Variants in INPP4B observed in about 807,000 individuals in gnomAD.
INPP4B encodes inositol polyphosphate 4-phosphatase type II.
A neutral mutation model predicts 122.5 loss-of-function variants in INPP4B; 55 were observed. The observed-to-expected ratio is 0.45, with a 90% CI of 0.36 to 0.56. The LOEUF (loss-of-function observed/expected upper bound fraction) is 0.56, where lower values mean the gene tolerates loss of function less well. INPP4B is among the 20% of genes least tolerant of loss of function. The pLI, the probability that INPP4B is intolerant of heterozygous loss-of-function variation, is 0.00. For missense variants in INPP4B, 1,000 were observed against 1,097.7 expected (o/e 0.91, Z 1.26); for synonymous variants, 403 against 388.7 (o/e 1.04, Z -0.43).
intron 7 of INPP4B, among the ~76,000 whole-genome samples, chr4:142,394,701 A>G (rs917043763): frequency 1.3e-5 from 2 of 152,206 alleles, no homozygotes; most frequent in African/African-American, 2.4e-5. Context: ...AGTTACATAC[A>G]TATTTTGGAT....
intron 1 of INPP4B, among the ~76,000 whole-genome samples, chr4:142,808,077 G>A (rs1561093071): frequency 6.6e-6 from 1 of 151,028 alleles, no homozygotes; most frequent in East Asian, 1.9e-4. Flanking sequence ...AAGGAGCCCT[G>A]TTATTCATTG....
chr4:142,487,057 G>T (rs911343454), intron 2 of INPP4B, among the ~76,000 whole-genome samples: 1 of 152,102 alleles, frequency 6.6e-6, no homozygotes, highest in Admixed American at 6.6e-5. Flanking sequence ...TGAATCACGG[G>T]GGTGGGTCTT....
At position 142,343,786 on chromosome 4, in the gene INPP4B, CTT is replaced by C. The variant is rs148813931; in HGVS notation, c.373-29026_373-29025del. ...TAACTTTAGTCAAACCACTAAATCT[CTT>C]TGACCCTTTTTAGTTTCTAGTAAAA... On this transcript the variant is annotated intron_variant, in intron 7 of 25. Coordinates refer to ENST00000262992, the MANE Select transcript of INPP4B (RefSeq NM_001101669.3). Among the ~76,000 whole-genome samples the C allele has an allele frequency of 9.9e-3, 1,501 of 152,200 alleles. 24 individuals carry two copies. Among genetic ancestry groups the C allele is most frequent in the African/African-American group, 0.035 (1,441 of 41,536 alleles).
intron 14 of INPP4B, among the ~76,000 whole-genome samples, chr4:142,204,465 A>G (rs1579279255): frequency 6.6e-6 from 1 of 151,892 alleles, no homozygotes; most frequent in African/African-American, 2.4e-5. Context: ...TGTAACATTA[A>G]ATTTTTTTTT....
In INPP4B at chr4:142,028,445, C is replaced by T; in HGVS notation, c.*337G>A. The T allele has an allele frequency of 3.3e-6, 1 of 301,598 alleles. No homozygotes were observed. The highest frequency in any genetic ancestry group is 6.2e-6 in the Non-Finnish European group (1 of 160,904). 18.7% of individuals were successfully genotyped at this position (301,598 alleles called of 1,614,324 possible). ...GGAGAGTGGTGCTCTGTGAATCACCCCTAGTCCTATTGAAATGATCCATGT... is the reference window on the plus strand; with the variant it reads ...GGAGAGTGGTGCTCTGTGAATCACCTCTAGTCCTATTGAAATGATCCATGT... On this transcript the variant is annotated 3_prime_UTR_variant, in exon 26 of 26. Transcript: ENST00000262992.
At chr4:142,124,496 A>C in intron 19 of INPP4B, 92 bp downstream of exon 19, 1 of 1,159,612 alleles carries the variant, frequency 8.6e-7, no homozygotes. Context: ...TTTAAAAATA[A>C]AGCTGTCCCA....
chr4:142,273,218 A>G (rs1213535393), intron 9 of INPP4B, among the ~76,000 whole-genome samples: 1 of 152,018 alleles, frequency 6.6e-6, no homozygotes, highest in African/African-American at 2.4e-5. Context: ...TACACAAGAT[A>G]ATTACCACTT....
intron 1 of INPP4B, among the ~76,000 whole-genome samples, chr4:142,738,372 C>T (rs976674881): frequency 6.6e-6 from 1 of 152,106 alleles, no homozygotes; most frequent in East Asian, 1.9e-4. Flanking sequence ...AAAAACCAAA[C>T]ACCGCATGTT....
At chr4:142,334,141 A>G (rs1775691748) in intron 7 of INPP4B, among the ~76,000 whole-genome samples, 1 of 152,336 alleles carries the variant, frequency 6.6e-6, no homozygotes, top group South Asian at 2.1e-4. Flanking sequence ...CTGACTTAGC[A>G]TAATGCCCTC....
chr4:142,831,013 C>T (rs990678650), intron 1 of INPP4B, among the ~76,000 whole-genome samples: 1 of 151,450 alleles, frequency 6.6e-6, no homozygotes, highest in Non-Finnish European at 1.5e-5. Context: ...CAGAGTGAGA[C>T]CCTGTCTCAA....
At chr4:142,507,984 C>G (rs948701174) in intron 2 of INPP4B, among the ~76,000 whole-genome samples, 1 of 152,094 alleles carries the variant, frequency 6.6e-6, no homozygotes, top group African/African-American at 2.4e-5. Context: ...GCCCCTGACC[C>G]CCCTTTTCTT....
chr4:142,448,329 CAAAAAAAAAAA>C (rs71586289), intron 3 of INPP4B, among the ~76,000 whole-genome samples: 1 of 61,988 alleles, frequency 1.6e-5, no homozygotes, highest in Non-Finnish European at 2.9e-5. Flanking sequence ...TATCCATCTC[CAAAAAAAAAAA>C]AAAAAAAAAA....
At chr4:142,383,805 G>A in intron 7 of INPP4B, 1 of 382,836 alleles carries the variant, frequency 2.6e-6, no homozygotes, top group Non-Finnish European at 4.7e-6. Context: ...AGAGGAGATT[G>A]AGAAGGGGGA....
Position 142,651,789 on chromosome 4 carries a change from A to T in INPP4B, c.-191+74050T>A, listed in dbSNP as rs563227665. On this transcript the variant is annotated intron_variant, in intron 2 of 25. Transcript: ENST00000262992. ...TAGATTCACAGCTGAAATCTATGAG[A>T]TGTACATAGAGGAGCTGGTACCATT... Among the ~76,000 whole-genome samples the T allele has an allele frequency of 6.6e-5, 10 of 152,330 alleles. No homozygotes were observed. In the South Asian group the frequency reaches 1.5e-3, roughly 22 times the overall value.
chr4:142,599,105 G>C (rs985526701), intron 2 of INPP4B, among the ~76,000 whole-genome samples: 1 of 152,142 alleles, frequency 6.6e-6, no homozygotes, highest in African/African-American at 2.4e-5. Flanking sequence ...CAGTAAGTAT[G>C]TCTTGGGACC....
Position 142,403,058 on chromosome 4 carries a change from TA to T in INPP4B, c.256-5del. The T allele has an allele frequency of 6.6e-7, 1 of 1,524,052 alleles. No individual in the cohort carries two copies. The highest frequency in any genetic ancestry group is 9.1e-7 in the Non-Finnish European group (1 of 1,098,114). The allele number at this position is 1,524,052 out of a possible 1,614,324, so 94.4% of individuals were successfully genotyped here. On this transcript the variant is annotated splice_region_variant and splice_polypyrimidine_tract_variant and intron_variant, in intron 6 of 25. Transcript: ENST00000262992. ...AAAACAGTGGGTCCCTTGTTCCCTG[TA>T]ACAGCACAAGCAGACAACTTTGATT...
Position 142,345,089 on chromosome 4 carries a change from T to C in INPP4B, c.373-30327A>G, listed in dbSNP as rs901172943. On this transcript the variant is annotated intron_variant, in intron 7 of 25. Transcript: ENST00000262992. ...CTTTGCTGGGTTCTGCTTATTTCTGTGCAGTCTTAAATTCACAACTTCATA... is the reference window on the plus strand; with the variant it reads ...CTTTGCTGGGTTCTGCTTATTTCTGCGCAGTCTTAAATTCACAACTTCATA... Among the ~76,000 whole-genome samples the C allele has an allele frequency of 9.9e-5, 15 of 152,148 alleles. No homozygotes were observed. The South Asian group carries it at 2.9e-3, about 29-fold the overall frequency.
intron 25 of INPP4B, among the ~76,000 whole-genome samples, chr4:142,031,793 C>A (rs336355): frequency 0.076 from 11,492 of 152,116 alleles, 624 homozygotes; most frequent in African/African-American, 0.16. Context: ...AATTGTTAAT[C>A]CCAGAGAAGG....
intron 5 of INPP4B, among the ~76,000 whole-genome samples, chr4:142,415,917 A>C (rs1312600091): frequency 1.3e-5 from 2 of 150,212 alleles, no homozygotes; most frequent in Non-Finnish European, 3.0e-5. Context: ...AAAACCGAAC[A>C]CCGCATGTTC....
Sources: gnomAD v4.1 joint callset for allele counts (sites outside exome capture counted in the v4.1 genomes callset) on GRCh38, gnomAD v4.1.1 for gene constraint, MANE v1.5 for transcripts, NCBI Gene and HGNC (gene_info 2026-07-23, HGNC 2026-07-21) for gene names.